The following IQGAP2 variants were observed in gnomAD, a reference collection of about 807,000 sequenced individuals.
IQGAP2 encodes the protein IQ motif containing GTPase activating protein 2.
Under a neutral mutation model 201.3 loss-of-function variants are expected in IQGAP2, and 173 were observed. That is an observed-to-expected ratio of 0.86 (90% CI 0.76 to 0.98). IQGAP2 has a LOEUF of 0.98. IQGAP2 is among the 50% of genes least tolerant of loss of function. The pLI is 0.00. For missense variants in IQGAP2, 1,687 were observed against 1,864.8 expected, an observed-to-expected ratio of 0.90 and a Z score of 1.76; for synonymous variants, 675 against 673.9, an observed-to-expected ratio of 1.00 and a Z score of -0.03.
intron 13 of IQGAP2, among the ~76,000 whole-genome samples, chr5:76,626,178 C>A (rs1293116878): frequency 6.6e-6 from 1 of 152,022 alleles, no homozygotes; most frequent in Non-Finnish European, 1.5e-5. Flanking sequence ...CATAGGTTAA[C>A]CCTTTCTCAC....
Position 76,511,682 on chromosome 5 carries a change from TTTTG to T in IQGAP2, c.146+50017_146+50020del, listed in dbSNP as rs1361936756. ...ATGAGTTTTTTTTTGTTTTGTTTTG[TTTTG>T]TTTTTTTTTTTTGAGACGGAGTCTC... is the stretch of plus-strand genomic sequence containing the variant. On this transcript the variant is annotated intron_variant, in intron 2 of 35. Coordinates refer to ENST00000274364, the MANE Select transcript of IQGAP2 (RefSeq NM_006633.5). Among the ~76,000 whole-genome samples the T allele has an allele frequency of 6.2e-5, 7 of 113,102 alleles. No individual in the cohort carries two copies. In the South Asian group the frequency reaches 1.1e-3, roughly 17 times the overall value. 74.2% of individuals were successfully genotyped at this position (113,102 alleles called of 152,430 possible).
Position 76,683,883 on chromosome 5 carries a change from G to A in IQGAP2, c.3871G>A (p.Gly1291Ser), listed in dbSNP as rs376614167. 2.0e-5 allele frequency: 32 copies of A among 1,612,720 alleles called. No homozygotes were observed. The highest frequency in any genetic ancestry group is 8.0e-5 in the African/African-American group (6 of 75,024). ...VLTSKYDIED[G>S]EAIDSRSLMI... ...GACAAGCAAATATGACATAGAGGAC[G>A]GTGAAGCTATAGATAGCCGAAGCCT... Residue 1291 changes from glycine to serine, a missense_variant, in exon 30 of 36, where the codon GGT becomes AGT. Transcript: ENST00000274364.
At position 76,589,710 on chromosome 5, in the gene IQGAP2, T is replaced by C. The variant is rs748004682; in HGVS notation, c.622T>C (p.Ser208Pro). 15 of 1,599,102 alleles carry C rather than the reference T, an allele frequency of 9.4e-6. No homozygotes were observed. Among genetic ancestry groups the C allele is most frequent in the Middle Eastern group, 3.3e-4 (2 of 6,040 alleles). The change falls in exon 7 of 36, where the codon TCC (serine) becomes CCC (proline). Residue 208 changes from serine to proline, a missense_variant. Ser to Pro is a moderately conservative substitution (Grantham distance 74, BLOSUM62 -1). Coordinates refer to ENST00000274364, the MANE Select transcript of IQGAP2 (RefSeq NM_006633.5). The part of the protein sequence containing the change: ...KIGGILANEL[S>P]VDEAALHAAV... ...AGGTGGTATTCTGGCCAATGAACTG[T>C]CCGTGGATGAAGCTGCATGTAAGTC... is the stretch of plus-strand genomic sequence containing the variant.
intron 9 of IQGAP2, among the ~76,000 whole-genome samples, chr5:76,594,675 C>T (rs1032841416): frequency 2.6e-5 from 4 of 152,148 alleles, no homozygotes; most frequent in South Asian, 4.1e-4. Context: ...CTTTAAAATA[C>T]GTAAGAATCA....
chr5:76,575,944 C>T (rs1048162495), intron 5 of IQGAP2, among the ~76,000 whole-genome samples, 175 bp downstream of exon 5: 2 of 152,084 alleles, frequency 1.3e-5, no homozygotes, highest in Non-Finnish European at 2.9e-5. Context: ...ATAAGCAATT[C>T]TTGAACTTGA....
chr5:76,673,072 A>G (rs1167640957), intron 24 of IQGAP2, among the ~76,000 whole-genome samples: 1 of 152,022 alleles, frequency 6.6e-6, no homozygotes, highest in Admixed American at 6.5e-5. Context: ...AAAATAAAAA[A>G]TAATTAATTT....
At chr5:76,600,686 C>T (rs1277770166) in intron 10 of IQGAP2, 126 bp from the exon 11 acceptor site, 4 of 1,135,812 alleles carry the variant, frequency 3.5e-6, no homozygotes, top group African/African-American at 3.1e-5. Flanking sequence ...GCCACGACTC[C>T]TCTTTCTGCT....
intron 2 of IQGAP2, among the ~76,000 whole-genome samples, chr5:76,494,147 G>A (rs1279313579): frequency 6.6e-6 from 1 of 152,120 alleles, no homozygotes; most frequent in Non-Finnish European, 1.5e-5. Flanking sequence ...TGAATCCACA[G>A]ATGCAGAACC....
In IQGAP2 at chr5:76,623,372, A is replaced by T. The variant is rs1392879151; in HGVS notation, c.1522-4038A>T. ...GTTTGCTCTCCTGTGCCGTGCAGGC[A>T]GGAAACTTGCCCTGGTCCTCCGCAG... is the stretch of plus-strand genomic sequence containing the variant. On this transcript the variant is annotated intron_variant, in intron 13 of 35. Transcript: ENST00000274364. The T allele has an allele frequency of 8.8e-6, 8 of 913,344 alleles. No homozygotes were observed. The African/African-American group carries it at 1.2e-4, about 13-fold the overall frequency. 56.6% of individuals were successfully genotyped at this position (913,344 alleles called of 1,614,324 possible).
chr5:76,530,455 C>T (rs142386373), intron 2 of IQGAP2, among the ~76,000 whole-genome samples: 1 of 152,180 alleles, frequency 6.6e-6, no homozygotes, highest in African/African-American at 2.4e-5. Flanking sequence ...ATTTCAAAAC[C>T]AGGAATTTTT....
intron 15 of IQGAP2, among the ~76,000 whole-genome samples, chr5:76,633,721 A>G (rs894376943): frequency 6.6e-6 from 1 of 152,182 alleles, no homozygotes; most frequent in African/African-American, 2.4e-5. Context: ...AGCTCCAGGC[A>G]ACTACTAATC....
chr5:76,440,668 G>A (rs1341218244), intron 1 of IQGAP2, among the ~76,000 whole-genome samples: 1 of 152,216 alleles, frequency 6.6e-6, no homozygotes, highest in African/African-American at 2.4e-5. Flanking sequence ...CAAGTTGACA[G>A]TGATTGAGAG....
intron 1 of IQGAP2, among the ~76,000 whole-genome samples, chr5:76,429,889 ACAC>A (rs1752268691): frequency 1.3e-5 from 2 of 150,608 alleles, no homozygotes; most frequent in South Asian, 4.2e-4. Context: ...ACACACACAC[ACAC>A]ACGACTATTT....
chr5:76,558,349 T>G (rs1210299855), intron 2 of IQGAP2, among the ~76,000 whole-genome samples: 2 of 152,192 alleles, frequency 1.3e-5, no homozygotes, highest in African/African-American at 4.8e-5. Flanking sequence ...AAAGCATTCA[T>G]ATATTTTTGT....
chr5:76,666,394 G>A (rs1235225155), intron 22 of IQGAP2, among the ~76,000 whole-genome samples: 1 of 152,204 alleles, frequency 6.6e-6, no homozygotes, highest in Admixed American at 6.5e-5. Flanking sequence ...TTACACCCAT[G>A]AAATTTCAAG....
intron 13 of IQGAP2, chr5:76,618,420 A>C: frequency 1.2e-6 from 2 of 1,614,218 alleles, no homozygotes; most frequent in South Asian, 1.1e-5. Flanking sequence ...GGCAGGTATC[A>C]GTTTAGTACT....
chr5:76,447,320 G>A (rs910886377), intron 1 of IQGAP2, among the ~76,000 whole-genome samples: 3 of 152,162 alleles, frequency 2.0e-5, no homozygotes, highest in Non-Finnish European at 2.9e-5. Flanking sequence ...AAAAACAGGA[G>A]GTAAAGAAAT....
intron 1 of IQGAP2, among the ~76,000 whole-genome samples, chr5:76,417,025 T>C (rs1290904648): frequency 6.6e-6 from 1 of 152,128 alleles, no homozygotes; most frequent in Non-Finnish European, 1.5e-5. Flanking sequence ...GTAGAAACAG[T>C]CTTGCCATGT....
chr5:76,610,987 A>T, intron 12 of IQGAP2, 33 bp from the exon 13 acceptor site: 1 of 1,577,234 alleles, frequency 6.3e-7, no homozygotes, highest in Non-Finnish European at 8.6e-7. Context: ...ATGTACTGTG[A>T]CTTAAAAGGA....
Sources: gnomAD v4.1 joint callset for allele counts (sites outside exome capture counted in the v4.1 genomes callset) on GRCh38, gnomAD v4.1.1 for gene constraint, MANE v1.5 for transcripts, NCBI Gene and HGNC (gene_info 2026-07-23, HGNC 2026-07-21) for gene names.